KCNIP4: variants seen among roughly 807,000 people sequenced by gnomAD.
KCNIP4 encodes the protein potassium voltage-gated channel interacting protein 4, also known as Kv channel-interacting protein 4.
KCNIP4 carries 12 observed loss-of-function variants against 34.0 expected under a neutral mutation model. The observed-to-expected ratio is 0.35, with a 90% CI of 0.23 to 0.57. The LOEUF is 0.57. Ranked by LOEUF, KCNIP4 falls within the 20% of genes least tolerant of loss-of-function variation. KCNIP4 has a pLI of 0.83. For missense variants in KCNIP4, 238 were observed against 311.7 expected, an observed-to-expected ratio of 0.76 and a Z score of 1.78; for synonymous variants, 124 against 102.2, an observed-to-expected ratio of 1.21 and a Z score of -1.29.
chr4:21,010,919 A>G (rs2149731741), intron 1 of KCNIP4, among the ~76,000 whole-genome samples: 1 of 152,334 alleles, frequency 6.6e-6, no homozygotes, highest in East Asian at 1.9e-4. Context: ...AGTTCATGAA[A>G]CCAAGCAGTT....
At chr4:20,822,918 T>C (rs1167275896) in intron 3 of KCNIP4, among the ~76,000 whole-genome samples, 1 of 152,074 alleles carries the variant, frequency 6.6e-6, no homozygotes, top group Non-Finnish European at 1.5e-5. Context: ...TAGGCCCTTT[T>C]TCCCTTCTAT....
At chr4:20,745,491 T>A (rs1396932790) in intron 5 of KCNIP4, among the ~76,000 whole-genome samples, 1 of 152,096 alleles carries the variant, frequency 6.6e-6, no homozygotes, top group Non-Finnish European at 1.5e-5. Flanking sequence ...CTTTTCTGAG[T>A]TGTAATTGAA....
At chr4:21,004,167 G>A (rs903255551) in intron 1 of KCNIP4, among the ~76,000 whole-genome samples, 2 of 152,192 alleles carry the variant, frequency 1.3e-5, no homozygotes, top group Non-Finnish European at 2.9e-5. Flanking sequence ...GACTAAAAAA[G>A]TGAGATGAGT....
chr4:21,294,585 A>G (rs1032970638), intron 1 of KCNIP4, among the ~76,000 whole-genome samples: 2 of 152,226 alleles, frequency 1.3e-5, no homozygotes, highest in Non-Finnish European at 2.9e-5. Flanking sequence ...AGGGATATGC[A>G]AAAATTTAAT....
At chr4:21,561,475 T>C (rs1014004259) in intron 1 of KCNIP4, among the ~76,000 whole-genome samples, 1 of 152,004 alleles carries the variant, frequency 6.6e-6, no homozygotes, top group African/African-American at 2.4e-5. Context: ...GGCCAAAGAT[T>C]AAATGGTAAC....
At chr4:20,894,343 A>G (rs1427018291) in intron 1 of KCNIP4, among the ~76,000 whole-genome samples, 1 of 152,138 alleles carries the variant, frequency 6.6e-6, no homozygotes, top group Non-Finnish European at 1.5e-5. Context: ...TACAAGGTGT[A>G]TTTTCGTGTT....
intron 1 of KCNIP4, among the ~76,000 whole-genome samples, chr4:21,404,639 T>C (rs1723821748): frequency 6.6e-6 from 1 of 152,154 alleles, no homozygotes; most frequent in African/African-American, 2.4e-5. Context: ...ACATCTAATA[T>C]AAAAAAGTAT....
At chr4:21,595,032 T>C (rs1043891656) in intron 1 of KCNIP4, among the ~76,000 whole-genome samples, 22 of 152,122 alleles carry the variant, frequency 1.4e-4, no homozygotes, top group African/African-American at 4.8e-5. Flanking sequence ...TGCAGGTTTG[T>C]TACATAGGTA....
intron 1 of KCNIP4, among the ~76,000 whole-genome samples, chr4:21,431,066 G>A (rs894782022): frequency 2.6e-5 from 4 of 151,932 alleles, no homozygotes; most frequent in Non-Finnish European, 5.9e-5. Context: ...TAAAAAATAT[G>A]GAGGCTGAGG....
At chr4:21,338,314 A>G (rs986237452) in intron 1 of KCNIP4, among the ~76,000 whole-genome samples, 1 of 150,804 alleles carries the variant, frequency 6.6e-6, no homozygotes, top group East Asian at 2.0e-4. Flanking sequence ...CCAGAAGGGT[A>G]CCCCACTCAA....
chr4:21,710,462 C>T (rs960628491), intron 1 of KCNIP4, among the ~76,000 whole-genome samples: 1 of 152,214 alleles, frequency 6.6e-6, no homozygotes, highest in Non-Finnish European at 1.5e-5. Context: ...GTACTAACTG[C>T]GTACTGTAAC....
chr4:21,420,344 C>G (rs556404548), intron 1 of KCNIP4, among the ~76,000 whole-genome samples: 41 of 152,186 alleles, frequency 2.7e-4, no homozygotes, highest in Non-Finnish European at 4.4e-4. Flanking sequence ...CTGTCATCAT[C>G]TTGTTTATGA....
Position 21,104,075 on chromosome 4 carries a change from T to C in KCNIP4, c.62-221366A>G, listed in dbSNP as rs558807894. Among the ~76,000 whole-genome samples, 28 of 152,252 alleles carry C rather than the reference T, an allele frequency of 1.8e-4. 1 individual carries two copies. The highest frequency in any genetic ancestry group is 5.2e-4 in the Admixed American group (8 of 15,300). On this transcript the variant is annotated intron_variant, in intron 1 of 8. Coordinates refer to ENST00000382152, the MANE Select transcript of KCNIP4 (RefSeq NM_025221.6). ...TCCTTGTCTCTTTATAGCAGCATGA[T>C]TTATAGTCCCTTGGGTATATGCCCA... is the stretch of plus-strand genomic sequence containing the variant.
chr4:20,990,900 A>T (rs1272090977), intron 1 of KCNIP4, among the ~76,000 whole-genome samples: 1 of 152,196 alleles, frequency 6.6e-6, no homozygotes, highest in African/African-American at 2.4e-5. Context: ...TATCCCTTTT[A>T]TATATTATAG....
intron 1 of KCNIP4, among the ~76,000 whole-genome samples, chr4:21,922,279 A>G (rs1489683594): frequency 4.6e-5 from 7 of 152,070 alleles, no homozygotes; most frequent in African/African-American, 1.7e-4. Flanking sequence ...CTTCCTTCCC[A>G]ACAAGCACTG....
At chr4:20,906,216 AG>A (rs958493638) in intron 1 of KCNIP4, among the ~76,000 whole-genome samples, 27 of 152,006 alleles carry the variant, frequency 1.8e-4, no homozygotes, top group Admixed American at 1.6e-3. Context: ...AATCACTATC[AG>A]CTGTGCCTAT....
intron 1 of KCNIP4, among the ~76,000 whole-genome samples, chr4:21,894,722 A>G (rs998937732): frequency 2.0e-5 from 3 of 151,332 alleles, no homozygotes; most frequent in Non-Finnish European, 4.4e-5. Flanking sequence ...GTTATTTGAC[A>G]TTGCTAAGGT....
chr4:21,237,300 G>A (rs981585962), intron 1 of KCNIP4, among the ~76,000 whole-genome samples: 1 of 152,226 alleles, frequency 6.6e-6, no homozygotes, highest in East Asian at 1.9e-4. Flanking sequence ...TTTATAACGA[G>A]GGAGATGAAT....
intron 1 of KCNIP4, among the ~76,000 whole-genome samples, chr4:21,281,225 T>G (rs1228391694): frequency 6.6e-6 from 1 of 151,818 alleles, no homozygotes; most frequent in Non-Finnish European, 1.5e-5. Flanking sequence ...TAGCTGGGAC[T>G]ACAGGCACGC....
Sources: gnomAD v4.1 joint callset for allele counts (sites outside exome capture counted in the v4.1 genomes callset) on GRCh38, gnomAD v4.1.1 for gene constraint, MANE v1.5 for transcripts, NCBI Gene and HGNC (gene_info 2026-07-23, HGNC 2026-07-21) for gene names.